FAM184A: variants seen among roughly 807,000 people sequenced by gnomAD.
FAM184A encodes family with sequence similarity 184 member A.
A neutral mutation model predicts 143.8 loss-of-function variants in FAM184A; 99 were observed. The observed-to-expected ratio is 0.69, with a 90% CI of 0.58 to 0.81. The LOEUF is 0.81. FAM184A is among the 40% of genes least tolerant of loss of function. The probability of loss-of-function intolerance (pLI) is 0.00; values close to 1 mark genes in which losing one functional copy is unlikely to be tolerated. For synonymous variants in FAM184A, 427 were observed against 446.4 expected, an observed-to-expected ratio of 0.96 and a Z score of 0.55; for missense variants, 1,217 against 1,310.5, an observed-to-expected ratio of 0.93 and a Z score of 1.10.
intron 6 of FAM184A, among the ~76,000 whole-genome samples, chr6:119,008,209 C>T (rs1368815951): frequency 6.6e-6 from 1 of 152,162 alleles, no homozygotes; most frequent in Non-Finnish European, 1.5e-5. Flanking sequence ...GGCATCTACT[C>T]GCCTTCTCTA....
chr6:119,017,049 C>G (rs1020189820), intron 4 of FAM184A, 105 bp from the exon 5 acceptor site: 4 of 703,524 alleles, frequency 5.7e-6, no homozygotes, highest in Non-Finnish European at 7.1e-6. Context: ...AAACTGAGTG[C>G]TACGGGATCT....
upstream of FAM184A, among the ~76,000 whole-genome samples, chr6:119,079,949 T>C (rs566568504): frequency 6.6e-6 from 1 of 152,334 alleles, no homozygotes; most frequent in Admixed American, 6.5e-5. Context: ...AGGTTCTGAA[T>C]GGAGCATATG....
intron 1 of FAM184A, among the ~76,000 whole-genome samples, chr6:119,101,784 G>T (rs949650679): frequency 6.6e-6 from 1 of 152,058 alleles, no homozygotes; most frequent in Non-Finnish European, 1.5e-5. Flanking sequence ...GGCTGGGTGC[G>T]GTGACTCACG....
chr6:118,969,002 G>A (rs1783585592), intron 14 of FAM184A, among the ~76,000 whole-genome samples: 1 of 152,164 alleles, frequency 6.6e-6, no homozygotes, highest in African/African-American at 2.4e-5. Context: ...ATCCCCATGT[G>A]TCATGGGAGA....
chr6:119,116,400 A>C lies in FAM184A; in HGVS notation c.-202+32678T>G, dbSNP rs187926262. Among the ~76,000 whole-genome samples, 5 of 152,316 alleles carry C rather than the reference A, an allele frequency of 3.3e-5. No individual in the cohort carries two copies. In the East Asian group the frequency reaches 9.6e-4, roughly 29 times the overall value. Reference sequence around the variant, plus strand: ...TGGGCTAAAGGACCCCATGTTGGGTACTATGCCTATGACCTGAACGACAGG... The same window carrying C: ...TGGGCTAAAGGACCCCATGTTGGGTCCTATGCCTATGACCTGAACGACAGG... On this transcript the variant is annotated intron_variant, in intron 1 of 16. Coordinates refer to the FAM184A transcript ENST00000352896.
chr6:118,979,189 T>A (rs1367413501), intron 11 of FAM184A, among the ~76,000 whole-genome samples, 176 bp downstream of exon 11: 3 of 152,230 alleles, frequency 2.0e-5, no homozygotes, highest in Non-Finnish European at 2.9e-5. Context: ...GAATTCACTT[T>A]ACTGTTTGTG....
chr6:119,005,093 A>G (rs1582492825), intron 7 of FAM184A, among the ~76,000 whole-genome samples: 1 of 152,152 alleles, frequency 6.6e-6, no homozygotes, highest in East Asian at 1.9e-4. Context: ...AACACCTCTT[A>G]ATATAGTTTG....
chr6:118,962,236 TAA>T (rs1198540086), intron 16 of FAM184A: 9 of 426,768 alleles, frequency 2.1e-5, no homozygotes, highest in African/African-American at 1.2e-4. Flanking sequence ...AGAGAGAAGG[TAA>T]AAAGAGTGCC....
chr6:119,094,599 C>T (rs1040811939), intron 1 of FAM184A, among the ~76,000 whole-genome samples: 2 of 152,036 alleles, frequency 1.3e-5, no homozygotes, highest in Non-Finnish European at 2.9e-5. Context: ...AATACCATCC[C>T]GAGGGGATGC....
rs150272821 is a variant in FAM184A, at chr6:119,093,170, A to G, written c.-202+55908T>C. 9.3e-3 allele frequency among the ~76,000 whole-genome samples: 1,417 copies of G among 152,332 alleles called. 22 individuals are homozygous for G. The highest frequency in any genetic ancestry group is 0.054 in the Middle Eastern group (16 of 294). The stretch of plus-strand genomic sequence containing the variant: ...CACTAACCTTTCATAAAATGCTGGT[A>G]TGTTCCTTCTTACCTTTGTGGAGGG... On this transcript the variant is annotated intron_variant, in intron 1 of 16. Transcript: ENST00000352896.
chr6:119,141,521 G>C (rs550924880), intron 1 of FAM184A, among the ~76,000 whole-genome samples: 29 of 152,116 alleles, frequency 1.9e-4, no homozygotes, highest in Non-Finnish European at 3.4e-4. Context: ...GTCTGGTTCT[G>C]TCGCCCAGGC....
chr6:119,127,795 T>G (rs923675759), intron 1 of FAM184A, among the ~76,000 whole-genome samples: 6 of 152,328 alleles, frequency 3.9e-5, no homozygotes, highest in Middle Eastern at 6.8e-3. Flanking sequence ...GTATGTGCAG[T>G]GTGGAATTGT....
chr6:119,139,706 G>A (rs188227149), intron 1 of FAM184A, among the ~76,000 whole-genome samples: 3 of 151,574 alleles, frequency 2.0e-5, no homozygotes, highest in East Asian at 3.9e-4. Flanking sequence ...AAATTAATTG[G>A]CATTTCATTG....
intron 1 of FAM184A, among the ~76,000 whole-genome samples, chr6:119,085,340 G>A (rs1788190395): frequency 6.6e-6 from 1 of 152,150 alleles, no homozygotes; most frequent in African/African-American, 2.4e-5. Context: ...TCACTCTCAA[G>A]TTCAAAGTTC....
chr6:119,010,478 A>G (rs1308166787), intron 6 of FAM184A, among the ~76,000 whole-genome samples: 1 of 152,176 alleles, frequency 6.6e-6, no homozygotes, highest in African/African-American at 2.4e-5. Context: ...TAAATTATAC[A>G]AATTATTTTT....
chr6:119,090,338 G>T (rs1383671580), intron 1 of FAM184A, among the ~76,000 whole-genome samples: 1 of 152,198 alleles, frequency 6.6e-6, no homozygotes, highest in Non-Finnish European at 1.5e-5. Context: ...GAGGATGGCT[G>T]CCAGGGGAAT....
At chr6:119,010,010 G>A (rs1408622653) in intron 6 of FAM184A, among the ~76,000 whole-genome samples, 1 of 152,116 alleles carries the variant, frequency 6.6e-6, no homozygotes, top group African/African-American at 2.4e-5. Flanking sequence ...ATTGTACCAA[G>A]GCAGCTGCTA....
Position 119,024,002 on chromosome 6 carries a change from T to C in FAM184A, c.971A>G (p.Gln324Arg), listed in dbSNP as rs1407040114. The C allele has an allele frequency of 1.2e-6, 2 of 1,607,712 alleles. No homozygotes were observed. The highest frequency in any genetic ancestry group is 1.3e-5 in the African/African-American group (1 of 74,228). The change falls in exon 2 of 18, where the codon CAA becomes CGA. Residue 324 changes from glutamine to arginine, a missense_variant. Transcript: ENST00000338891. ...DEAGSLLDKC[Q>R]KLQTALAIAE... ...TATGGCAAGTGCCGTCTGAAGCTTT[T>C]GGCATTTGTCAAGAAGACTTCCAGC... is the stretch of plus-strand genomic sequence containing the variant.
chr6:119,004,038 T>C (rs978866158), intron 7 of FAM184A, among the ~76,000 whole-genome samples: 1 of 152,236 alleles, frequency 6.6e-6, no homozygotes, highest in African/African-American at 2.4e-5. Flanking sequence ...CTTAAGTATA[T>C]AGCTGTACCT....
Sources: allele counts gnomAD v4.1 joint callset (sites outside exome capture counted in the v4.1 genomes callset), GRCh38; gene constraint gnomAD v4.1.1; transcripts MANE v1.5; gene names NCBI Gene and HGNC (gene_info 2026-07-23, HGNC 2026-07-21).